Variants in HERC2 observed in about 807,000 individuals in gnomAD.
HERC2 encodes E3 ubiquitin-protein ligase HERC2.
Under a neutral mutation model 537.7 loss-of-function variants are expected in HERC2, and 102 were observed. The observed-to-expected ratio is 0.19, with a 90% confidence interval of 0.16 to 0.22. The LOEUF (loss-of-function observed/expected upper bound fraction) is 0.22, where lower values mean the gene tolerates loss of function less well. Among genes scored for constraint, HERC2 ranks in the 10% least tolerant of loss-of-function variants. The probability of loss-of-function intolerance (pLI) is 1.00; values close to 1 mark genes in which losing one functional copy is unlikely to be tolerated. For synonymous variants in HERC2, 2,224 were observed against 2,466.2 expected (o/e 0.90, Z 2.91); for missense variants, 4,236 against 6,198.2 (o/e 0.68, Z 10.63).
At chr15:28,261,559 T>TA (rs1305894029) in intron 15 of HERC2, among the ~76,000 whole-genome samples, 2 of 152,208 alleles carry the variant, frequency 1.3e-5, no homozygotes, top group Admixed American at 1.3e-4. Flanking sequence ...CCTAGGAACT[T>TA]ACCATAAGTT....
intron 2 of HERC2, among the ~76,000 whole-genome samples, chr15:28,316,236 AAAAAAAAAAAAGGAATTGTCAT>A: frequency 6.6e-6 from 1 of 151,200 alleles, no homozygotes; most frequent in African/African-American, 2.4e-5. Flanking sequence ...AAAAAAAAAA[AAAAAAAAAAAAGGAATTGTCAT>A]CAAAGTCCTA....
intron 70 of HERC2, among the ~76,000 whole-genome samples, chr15:28,149,257 G>A (rs1412787560): frequency 2.0e-5 from 3 of 147,560 alleles, no homozygotes; most frequent in East Asian, 2.0e-4. Context: ...ATGGCCACAC[G>A]AACACGTGTT....
At chr15:28,200,051 A>C (rs1160565837) in intron 48 of HERC2, among the ~76,000 whole-genome samples, 1 of 152,134 alleles carries the variant, frequency 6.6e-6, no homozygotes, top group African/African-American at 2.4e-5. Context: ...ATTAAGGTAA[A>C]ATCAGGTCAT....
In HERC2 at chr15:28,238,647, TATC is replaced by T; in HGVS notation, c.3700_3702del (p.Asp1234del). On this transcript the variant is annotated inframe_deletion, in exon 24 of 93. Coordinates refer to ENST00000261609, the MANE Select transcript of HERC2 (RefSeq NM_004667.6). The stretch of plus-strand genomic sequence containing the variant: ...AACGACTGTGTCTGGAAGTCCTTTA[TATC>T]ATACACCTTCCCGTCAATCACAGTC... 6.2e-7 allele frequency: 1 copy of T among 1,611,652 alleles called. No homozygotes were observed. Among genetic ancestry groups the T allele is most frequent in the Non-Finnish European group, 8.5e-7 (1 of 1,179,544 alleles).
intron 40 of HERC2, 53 bp downstream of exon 40, chr15:28,214,602 A>T: frequency 6.3e-7 from 1 of 1,599,104 alleles, no homozygotes; most frequent in Non-Finnish European, 8.6e-7. Flanking sequence ...CACCTGAGTG[A>T]CGGCACTGCG....
intron 5 of HERC2, among the ~76,000 whole-genome samples, chr15:28,275,530 C>G (rs2075849360): frequency 6.6e-6 from 1 of 152,216 alleles, no homozygotes; most frequent in Admixed American, 6.5e-5. Flanking sequence ...CCTCCTGTGT[C>G]TATTTAAGCT....
chr15:28,139,940 C>T (rs1210014150), intron 78 of HERC2, among the ~76,000 whole-genome samples: 2 of 149,532 alleles, frequency 1.3e-5, no homozygotes, highest in Non-Finnish European at 1.5e-5. Flanking sequence ...TGGTGGCGGG[C>T]GCCTGTTGTC....
chr15:28,289,514 C>T (rs12595735), intron 4 of HERC2, among the ~76,000 whole-genome samples: 14,587 of 151,568 alleles, frequency 0.096, 1,157 homozygotes, highest in East Asian at 0.31. Flanking sequence ...AGCAGTGAAA[C>T]TGCTCTTCAT....
chr15:28,228,139 AAAAAAGAAAAG>A, intron 35 of HERC2, 68 bp downstream of exon 35: 2 of 1,309,090 alleles, frequency 1.5e-6, no homozygotes, highest in South Asian at 1.4e-5. Context: ...TAAAAAAAAA[AAAAAAGAAAAG>A]AAAAGAAAAG....
intron 5 of HERC2, among the ~76,000 whole-genome samples, chr15:28,277,876 C>T (rs992499141): frequency 2.0e-5 from 3 of 152,092 alleles, no homozygotes; most frequent in Admixed American, 6.5e-5. Flanking sequence ...CACCCTGGCT[C>T]CATACCAAAA....
intron 78 of HERC2, among the ~76,000 whole-genome samples, chr15:28,136,780 T>C (rs796532466): frequency 6.6e-6 from 1 of 152,186 alleles, no homozygotes; most frequent in Non-Finnish European, 1.5e-5. Flanking sequence ...GAAAATACCA[T>C]TGTGCCCTTT....
rs1464913713 is a variant in HERC2, at chr15:28,213,780, G to A, written c.6748C>T (p.Arg2250Trp). Residue 2250 changes from arginine (R) to tryptophan (W), a missense_variant, in exon 42 of 93, where the codon CGG becomes TGG. Physicochemically the swap from Arg to Trp is moderately radical, Grantham distance 101 (BLOSUM62 -3). Around this residue, in one of 27 missense-constraint regions of HERC2, gnomAD observed 67 missense variants for 140.1 expected, o/e 0.48. Transcript: ENST00000261609. ...TTCAATGGGCAAACGCGACACGTCC[G>A]CATGTCAGAGAACTGCACGGTGATT... is the stretch of plus-strand genomic sequence containing the variant. The part of the protein sequence containing the change: ...GKITVQFSDM[R>W]TCRVCPLNQL... 3.7e-6 allele frequency: 6 copies of A among 1,613,850 alleles called. No individual in the cohort carries two copies. The highest frequency in any genetic ancestry group is 5.1e-6 in the Non-Finnish European group (6 of 1,179,846).
rs369737160 is a variant in HERC2, at chr15:28,175,659, G to A, written c.9687-3C>T. On this transcript the variant is annotated splice_region_variant and splice_polypyrimidine_tract_variant and intron_variant, in intron 63 of 92. Coordinates refer to ENST00000261609, the MANE Select transcript of HERC2 (RefSeq NM_004667.6). ...ATCTGAAGTAATCCCCCTTTCCCCTGAGAGAAGGCCCATGGTGGAGAGTTA... is the reference window on the plus strand; with the variant it reads ...ATCTGAAGTAATCCCCCTTTCCCCTAAGAGAAGGCCCATGGTGGAGAGTTA... The A allele has an allele frequency of 1.2e-6, 2 of 1,614,058 alleles. No individual in the cohort carries two copies. Among genetic ancestry groups the A allele is most frequent in the Non-Finnish European group, 1.7e-6 (2 of 1,179,984 alleles).
At chr15:28,216,326 G>A in intron 38 of HERC2, among the ~76,000 whole-genome samples, 1 of 132,542 alleles carries the variant, frequency 7.5e-6, no homozygotes, top group Non-Finnish European at 1.6e-5. Context: ...TTTTTTTTTT[G>A]TATTTTTAGT....
intron 65 of HERC2, among the ~76,000 whole-genome samples, chr15:28,173,965 TTATCTTTGATTGTG>T (rs1252829620): frequency 1.3e-5 from 2 of 152,002 alleles, no homozygotes; most frequent in Admixed American, 1.3e-4. Flanking sequence ...TATGAGTTCA[TTATCTTTGATTGTG>T]CTGATGCTTT....
In HERC2 at chr15:28,168,577, C is replaced by T. The variant is rs1158880908; in HGVS notation, c.10243G>A (p.Gly3415Arg). The T allele has an allele frequency of 6.2e-6, 10 of 1,613,714 alleles. No individual in the cohort carries two copies. The highest frequency in any genetic ancestry group is 2.2e-5 in the East Asian group (1 of 44,860). ...QIMYARDAVV[G>R]ALMPAAMIAP... ...ATCATGGCGGCCGGCATCAGGGCCC[C>T]GACAACAGCATCTCTGTCAGGACAC... The change falls in exon 67 of 93, where the codon GGG (glycine) becomes AGG (arginine). Residue 3415 changes from glycine (G) to arginine (R), a missense_variant. By Grantham distance (125) the Gly-to-Arg change is moderately radical. Coordinates refer to ENST00000261609, the MANE Select transcript of HERC2 (RefSeq NM_004667.6).
At chr15:28,189,871 T>TA (rs1896663773) in intron 55 of HERC2, among the ~76,000 whole-genome samples, 1 of 152,172 alleles carries the variant, frequency 6.6e-6, no homozygotes, top group Non-Finnish European at 1.5e-5. Flanking sequence ...ATTTAATAAT[T>TA]AAAAAATAAA....
Position 28,214,265 on chromosome 15 carries a change from C to G in HERC2, c.6366G>C (p.Thr2122=). ...SSDVPLLRES[T]LRRRRVRPQA... is the part of the protein sequence containing the mutation. ...GCGGGCGCACCCTGCGCCGCCTCAG[C>G]GTGGACTCTGAGGAGGAAACCAGGG... Residue 2122 remains threonine (T), a synonymous_variant, in exon 41 of 93, where the codon ACG becomes ACC. Transcript: ENST00000261609. The G allele has an allele frequency of 1.2e-6, 2 of 1,611,054 alleles. No individual in the cohort carries two copies. Among genetic ancestry groups the G allele is most frequent in the Non-Finnish European group, 1.7e-6 (2 of 1,179,146 alleles).
At chr15:28,130,625 C>T in intron 81 of HERC2, 31 bp from the exon 82 acceptor site, 1 of 1,471,862 alleles carries the variant, frequency 6.8e-7, no homozygotes, top group Non-Finnish European at 9.5e-7. Flanking sequence ...ATTAGACAGA[C>T]AGCAACAAGG....
Sources: allele counts gnomAD v4.1 joint callset (sites outside exome capture counted in the v4.1 genomes callset), GRCh38; gene constraint gnomAD v4.1.1; regional missense constraint gnomAD v4.1.1; transcripts MANE v1.5; gene names NCBI Gene and HGNC (gene_info 2026-07-23, HGNC 2026-07-21).